Variants in GRM5 observed in about 807,000 individuals in gnomAD.
The protein encoded by GRM5 is glutamate metabotropic receptor 5.
GRM5 carries 19 observed loss-of-function variants against 83.1 expected under a neutral mutation model. The ratio of observed to expected loss-of-function variants is 0.23; its 90% CI spans 0.16 to 0.34. The LOEUF is 0.34. GRM5 is among the 10% of genes least tolerant of loss of function. GRM5 has a pLI of 1.00. For synonymous variants in GRM5, 675 were observed against 633.6 expected (o/e 1.07, Z -0.98); for missense variants, 1,160 against 1,588.3 (o/e 0.73, Z 4.58).
chr11:88,623,313 T>C (rs1938695015), intron 4 of GRM5, among the ~76,000 whole-genome samples: 1 of 151,860 alleles, frequency 6.6e-6, no homozygotes. Context: ...GTATTTTTTG[T>C]ATATTTAGTA....
intron 2 of GRM5, among the ~76,000 whole-genome samples, chr11:89,018,741 G>T (rs1019353444): frequency 6.6e-6 from 1 of 152,020 alleles, no homozygotes; most frequent in African/African-American, 2.4e-5. Context: ...AAAAGGTTAG[G>T]CTTCCTAAAA....
At chr11:88,823,198 T>C (rs1032222163) in intron 3 of GRM5, among the ~76,000 whole-genome samples, 5 of 151,360 alleles carry the variant, frequency 3.3e-5, no homozygotes, top group Non-Finnish European at 7.4e-5. Flanking sequence ...TTGTTACATA[T>C]GCTTTCATTT....
chr11:88,821,344 C>CAAAAAAAAA (rs375051761), intron 3 of GRM5, among the ~76,000 whole-genome samples: 1 of 68,158 alleles, frequency 1.5e-5, no homozygotes, highest in Non-Finnish European at 3.3e-5. Flanking sequence ...CTTGAGGGGC[C>CAAAAAAAAA]AAAAAAAAAA....
At chr11:88,541,962 G>A (rs957851732) in intron 8 of GRM5, among the ~76,000 whole-genome samples, 2 of 152,150 alleles carry the variant, frequency 1.3e-5, no homozygotes, top group East Asian at 1.9e-4. Flanking sequence ...GTTTTACAGG[G>A]GCTCTTCCCC....
At chr11:88,776,911 T>C (rs540448046) in intron 3 of GRM5, among the ~76,000 whole-genome samples, 160 of 152,302 alleles carry the variant, frequency 1.1e-3, no homozygotes, top group African/African-American at 3.5e-3. Context: ...CTGACAATTA[T>C]GTGTCTTGGG....
chr11:88,564,803 G>T (rs994842208), intron 8 of GRM5, among the ~76,000 whole-genome samples: 6 of 152,188 alleles, frequency 3.9e-5, no homozygotes, highest in Non-Finnish European at 8.8e-5. Context: ...GCTTAAATTG[G>T]AAGACAGGAT....
intron 2 of GRM5, among the ~76,000 whole-genome samples, chr11:88,999,309 G>A (rs894605003): frequency 1.2e-4 from 18 of 152,088 alleles, no homozygotes; most frequent in Admixed American, 9.8e-4. Context: ...GCAACCTACA[G>A]AATGGGAGAA....
chr11:88,886,550 T>C (rs1381676922), intron 2 of GRM5, among the ~76,000 whole-genome samples: 3 of 152,118 alleles, frequency 2.0e-5, no homozygotes, highest in Non-Finnish European at 4.4e-5. Context: ...TCACTGGGCA[T>C]ACTGGCCCTG....
intron 3 of GRM5, among the ~76,000 whole-genome samples, chr11:88,839,556 CA>C (rs1944158883): frequency 6.6e-6 from 1 of 152,146 alleles, no homozygotes; most frequent in Non-Finnish European, 1.5e-5. Context: ...CACAGAAATA[CA>C]AGTGCTTTTC....
At chr11:88,721,112 C>A (rs1941527783) in intron 3 of GRM5, among the ~76,000 whole-genome samples, 1 of 151,834 alleles carries the variant, frequency 6.6e-6, no homozygotes, top group Non-Finnish European at 1.5e-5. Context: ...AATCACACAA[C>A]CTTAAAATAG....
At chr11:88,679,691 A>G (rs1940428393) in intron 3 of GRM5, among the ~76,000 whole-genome samples, 1 of 152,150 alleles carries the variant, frequency 6.6e-6, no homozygotes, top group African/African-American at 2.4e-5. Context: ...AGGAAGCTAG[A>G]TTGAATTTGG....
At chr11:89,048,362 G>A (rs557987732) in intron 1 of GRM5, among the ~76,000 whole-genome samples, 9 of 152,214 alleles carry the variant, frequency 5.9e-5, no homozygotes, top group African/African-American at 1.9e-4. Flanking sequence ...GTAATCTCAG[G>A]CAGAGATGAC....
chr11:89,009,760 G>A (rs1448351830), intron 2 of GRM5, among the ~76,000 whole-genome samples: 1 of 150,862 alleles, frequency 6.6e-6, no homozygotes, highest in Non-Finnish European at 1.5e-5. Flanking sequence ...AATTAGCCGG[G>A]CGTGGTAGCG....
chr11:88,623,053 GATA>G (rs1212829700), intron 4 of GRM5, among the ~76,000 whole-genome samples: 1 of 151,976 alleles, frequency 6.6e-6, no homozygotes, highest in Non-Finnish European at 1.5e-5. Context: ...TGTTAATTAT[GATA>G]ATGATGATGG....
Position 88,752,695 on chromosome 11 carries a change from G to A in GRM5, c.911+97211C>T, listed in dbSNP as rs747543242. ...CTGAAGGCATCATGCTACCTTACCT[G>A]ACTTCAAACTGTAATACAAGAGTAC... On this transcript the variant is annotated intron_variant, in intron 3 of 9. Transcript: ENST00000305447. Among the ~76,000 whole-genome samples the A allele has an allele frequency of 1.4e-3, 215 of 152,170 alleles. 4 individuals are homozygous for A. The highest frequency in any genetic ancestry group is 1.7e-3 in the Admixed American group (26 of 15,270).
intron 3 of GRM5, among the ~76,000 whole-genome samples, chr11:88,702,185 T>C (rs1941051493): frequency 6.6e-6 from 1 of 152,112 alleles, no homozygotes; most frequent in Non-Finnish European, 1.5e-5. Flanking sequence ...GAAGTAACTA[T>C]ATCTACCATA....
chr11:89,053,361 G>A (rs1165764600), intron 1 of GRM5, among the ~76,000 whole-genome samples: 4 of 152,030 alleles, frequency 2.6e-5, no homozygotes, highest in East Asian at 3.9e-4. Context: ...ATAGAAATGC[G>A]AAAGAACTGT....
At chr11:88,652,735 G>T (rs1490547595) in intron 4 of GRM5, among the ~76,000 whole-genome samples, 1 of 151,972 alleles carries the variant, frequency 6.6e-6, no homozygotes. Flanking sequence ...GTAGCAACTC[G>T]ATCTGTCCTT....
intron 2 of GRM5, among the ~76,000 whole-genome samples, chr11:88,879,235 A>G (rs1944909982): frequency 6.6e-6 from 1 of 152,080 alleles, no homozygotes; most frequent in Non-Finnish European, 1.5e-5. Flanking sequence ...AATAGATTAA[A>G]ATGTAACATT....
Sources: gnomAD v4.1 joint callset for allele counts (sites outside exome capture counted in the v4.1 genomes callset) on GRCh38, gnomAD v4.1.1 for gene constraint, MANE v1.5 for transcripts, NCBI Gene and HGNC (gene_info 2026-07-23, HGNC 2026-07-21) for gene names.